The following ZBTB20 variants were observed in gnomAD, a reference collection of about 807,000 sequenced individuals.
ZBTB20 encodes zinc finger and BTB domain-containing protein 20.
A neutral mutation model predicts 56.9 loss-of-function variants in ZBTB20; 9 were observed. The ratio of observed to expected loss-of-function variants is 0.16; its 90% CI spans 0.10 to 0.28. The LOEUF (loss-of-function observed/expected upper bound fraction) is 0.28. Ranked by LOEUF, ZBTB20 falls within the 10% of genes least tolerant of loss-of-function variation. ZBTB20 has a pLI of 1.00. For missense variants in ZBTB20, 655 were observed against 1,003.0 expected, an observed-to-expected ratio of 0.65 and a Z score of 4.69; for synonymous variants, 417 against 420.7, an observed-to-expected ratio of 0.99 and a Z score of 0.11.
At chr3:114,668,481 C>G (rs1275848838) in intron 6 of ZBTB20, among the ~76,000 whole-genome samples, 1 of 151,962 alleles carries the variant, frequency 6.6e-6, no homozygotes, top group Non-Finnish European at 1.5e-5. Flanking sequence ...GACAAGTAAT[C>G]TCCAATTTTC....
intron 2 of ZBTB20, among the ~76,000 whole-genome samples, chr3:115,067,956 A>T (rs2082268464): frequency 6.6e-6 from 1 of 152,124 alleles, no homozygotes; most frequent in South Asian, 2.1e-4. Flanking sequence ...AATATCAAGG[A>T]GCTGGGCCAA....
intron 8 of ZBTB20, 88 bp downstream of exon 8, chr3:114,388,917 T>G (rs912804745): frequency 8.5e-5 from 13 of 152,264 alleles, no homozygotes; most frequent in African/African-American, 3.1e-4. Context: ...TCTAAAATTT[T>G]GCCTGCTTTC....
intron 2 of ZBTB20, among the ~76,000 whole-genome samples, chr3:115,013,184 A>T (rs1224088074): frequency 6.6e-6 from 1 of 151,796 alleles, no homozygotes; most frequent in Non-Finnish European, 1.5e-5. Context: ...AATCAAACAC[A>T]AAATTAGTGG....
intron 7 of ZBTB20, among the ~76,000 whole-genome samples, chr3:114,415,584 A>C (rs2088461053): frequency 6.6e-6 from 1 of 152,126 alleles, no homozygotes; most frequent in Non-Finnish European, 1.5e-5. Context: ...TTTTCATATA[A>C]ATCAGATGGC....
At chr3:114,841,175 T>C (rs1435776217) in intron 4 of ZBTB20, among the ~76,000 whole-genome samples, 1 of 152,182 alleles carries the variant, frequency 6.6e-6, no homozygotes, top group Non-Finnish European at 1.5e-5. Flanking sequence ...AGGAATGCAA[T>C]GTAAGGCAAT....
At position 114,316,563 on chromosome 3, in the gene ZBTB20, G is replaced by C. The variant is rs376484043; in HGVS notation, c.*22442C>G. 3.7e-6 allele frequency: 2 copies of C among 533,704 alleles called. No individual in the cohort carries two copies. Among genetic ancestry groups the C allele is most frequent in the East Asian group, 5.5e-5 (1 of 18,322 alleles). The allele number at this position is 533,704 out of a possible 1,614,324, so 33.1% of individuals were successfully genotyped here. On this transcript the variant is annotated 3_prime_UTR_variant, in exon 12 of 12. Coordinates refer to ENST00000675478, the MANE Select transcript of ZBTB20 (RefSeq NM_001348800.3). ...TGTATACATTTATACATAATATAGT[G>C]TATATCGTTTCAACTGGAGATAAAC...
At chr3:114,917,331 G>A (rs1576318911) in intron 3 of ZBTB20, among the ~76,000 whole-genome samples, 1 of 152,090 alleles carries the variant, frequency 6.6e-6, no homozygotes. Flanking sequence ...AAAAGGTCAC[G>A]TTATCTCTGT....
chr3:114,594,806 G>A (rs148698840), intron 6 of ZBTB20, among the ~76,000 whole-genome samples: 1,714 of 152,156 alleles, frequency 0.011, 38 homozygotes, highest in South Asian at 0.069. Context: ...AGTTTTGGCC[G>A]TGTAAAAAAT....
chr3:114,851,934 A>AGCTCTTATTTTTTGGAGAT (rs1341096557), intron 4 of ZBTB20, among the ~76,000 whole-genome samples: 1 of 152,060 alleles, frequency 6.6e-6, no homozygotes, highest in Non-Finnish European at 1.5e-5. Flanking sequence ...AATTCGCAGG[A>AGCTCTTATTTTTTGGAGAT]GCTCTTATTT....
intron 6 of ZBTB20, among the ~76,000 whole-genome samples, chr3:114,576,429 G>A (rs1419250539): frequency 6.9e-6 from 1 of 144,692 alleles, no homozygotes; most frequent in Non-Finnish European, 1.5e-5. Flanking sequence ...GTGAACCCGG[G>A]AGGCGGAGCT....
chr3:115,130,261 T>C (rs2084465392), intron 1 of ZBTB20, among the ~76,000 whole-genome samples: 1 of 152,236 alleles, frequency 6.6e-6, no homozygotes, highest in South Asian at 2.1e-4. Context: ...TTTGTTGAAA[T>C]CATTATTGTA....
intron 4 of ZBTB20, among the ~76,000 whole-genome samples, chr3:114,890,807 C>T (rs537167339): frequency 7.2e-5 from 11 of 152,144 alleles, no homozygotes; most frequent in South Asian, 2.1e-4. Flanking sequence ...TACAGTCTGG[C>T]GGAGGAGAAA....
chr3:114,759,580 T>C (rs2068286254), intron 5 of ZBTB20, among the ~76,000 whole-genome samples: 1 of 152,124 alleles, frequency 6.6e-6, no homozygotes, highest in African/African-American at 2.4e-5. Flanking sequence ...ATCAGACATA[T>C]ACTGCACTTC....
chr3:114,898,024 G>A (rs1162765664), intron 4 of ZBTB20, among the ~76,000 whole-genome samples: 1 of 152,074 alleles, frequency 6.6e-6, no homozygotes, highest in African/African-American at 2.4e-5. Context: ...AATTTAGTGA[G>A]TCATAGAGAC....
intron 6 of ZBTB20, among the ~76,000 whole-genome samples, chr3:114,588,865 A>G (rs889960196): frequency 6.6e-6 from 1 of 152,222 alleles, no homozygotes; most frequent in African/African-American, 2.4e-5. Context: ...TAATTTATAA[A>G]GAAAAGAAGT....
chr3:114,691,255 G>A (rs904874552), intron 6 of ZBTB20, among the ~76,000 whole-genome samples: 5 of 152,136 alleles, frequency 3.3e-5, no homozygotes, highest in East Asian at 3.9e-4. Context: ...TAACATTAAC[G>A]TGTAAAAAAT....
intron 7 of ZBTB20, among the ~76,000 whole-genome samples, chr3:114,417,264 AAC>A (rs2108800812): frequency 6.6e-6 from 1 of 152,240 alleles, no homozygotes; most frequent in South Asian, 2.1e-4. Flanking sequence ...AACAAACAAA[AAC>A]ACAAAAATGG....
chr3:115,085,656 G>A (rs1370935715), intron 1 of ZBTB20, among the ~76,000 whole-genome samples: 6 of 151,960 alleles, frequency 3.9e-5, no homozygotes, highest in East Asian at 3.9e-4. Context: ...ACATTAATAA[G>A]AGTTGTGTGC....
intron 4 of ZBTB20, among the ~76,000 whole-genome samples, chr3:114,896,214 A>T (rs1434227842): frequency 2.0e-5 from 3 of 152,160 alleles, no homozygotes; most frequent in Non-Finnish European, 2.9e-5. Context: ...ATGAAAATGG[A>T]ATTACCATAC....
Sources: gnomAD v4.1 joint callset for allele counts (sites outside exome capture counted in the v4.1 genomes callset) on GRCh38, gnomAD v4.1.1 for gene constraint, MANE v1.5 for transcripts, NCBI Gene and HGNC (gene_info 2026-07-23, HGNC 2026-07-21) for gene names.